NAALADL2: variants seen among roughly 807,000 people sequenced by gnomAD.
The protein encoded by NAALADL2 is N-acetylated alpha-linked acidic dipeptidase like 2.
A neutral mutation model predicts 87.2 loss-of-function variants in NAALADL2; 76 were observed. The observed-to-expected ratio is 0.87, with a 90% CI of 0.72 to 1.05. The LOEUF is 1.05. Among genes scored for constraint, NAALADL2 ranks in the 50% least tolerant of loss-of-function variants. NAALADL2 has a pLI of 0.00. For missense variants in NAALADL2, 1,089 were observed against 945.8 expected (o/e 1.15, Z -1.99); for synonymous variants, 354 against 331.0 (o/e 1.07, Z -0.75).
intron 11 of NAALADL2, among the ~76,000 whole-genome samples, chr3:175,721,565 C>G (rs753285395): frequency 6.6e-6 from 1 of 151,956 alleles, no homozygotes; most frequent in Non-Finnish European, 1.5e-5. Context: ...AGAGGATGAG[C>G]TCATAAGGTT....
intron 9 of NAALADL2, among the ~76,000 whole-genome samples, chr3:175,509,561 G>A (rs1311921014): frequency 1.3e-5 from 2 of 152,154 alleles, no homozygotes; most frequent in Non-Finnish European, 2.9e-5. Context: ...TGGTCACATT[G>A]TATTAATTAT....
chr3:175,453,403 A>G (rs1721861881), intron 6 of NAALADL2, among the ~76,000 whole-genome samples: 1 of 152,070 alleles, frequency 6.6e-6, no homozygotes. Flanking sequence ...GTATTATCCA[A>G]ATATGTCTTG....
At chr3:175,779,080 G>A (rs1292957215) in intron 13 of NAALADL2, among the ~76,000 whole-genome samples, 3 of 152,166 alleles carry the variant, frequency 2.0e-5, no homozygotes, top group Non-Finnish European at 4.4e-5. Flanking sequence ...AGGGCAGTTA[G>A]TTGTGGAAAA....
At chr3:175,067,877 G>A (rs1274328747) in intron 1 of NAALADL2, among the ~76,000 whole-genome samples, 2 of 151,952 alleles carry the variant, frequency 1.3e-5, no homozygotes, top group South Asian at 2.1e-4. Flanking sequence ...AAGAAAATGT[G>A]GTATATATAC....
At chr3:175,724,543 T>A (rs762486932) in intron 11 of NAALADL2, among the ~76,000 whole-genome samples, 4 of 152,162 alleles carry the variant, frequency 2.6e-5, no homozygotes, top group Non-Finnish European at 5.9e-5. Context: ...TAGGATGCAA[T>A]CTGCAATAAC....
intron 5 of NAALADL2, among the ~76,000 whole-genome samples, chr3:175,332,370 C>G (rs946875197): frequency 6.6e-6 from 1 of 152,162 alleles, no homozygotes; most frequent in Admixed American, 6.5e-5. Flanking sequence ...GGTATAAAAA[C>G]AGAAACACTA....
At chr3:174,863,335 T>G (rs771799656) in intron 1 of NAALADL2, among the ~76,000 whole-genome samples, 1 of 152,122 alleles carries the variant, frequency 6.6e-6, no homozygotes, top group Non-Finnish European at 1.5e-5. Context: ...TCTTTTAGTT[T>G]CTATATTTAT....
intron 1 of NAALADL2, chr3:175,081,104 A>G (rs184152277): frequency 2.0e-5 from 3 of 152,338 alleles, no homozygotes; most frequent in Admixed American, 2.0e-4. Context: ...AGCAAGACCA[A>G]TAACTAGTCA....
At chr3:174,851,078 G>A (rs911946090) in intron 3 of NAALADL2, among the ~76,000 whole-genome samples, 19 of 151,858 alleles carry the variant, frequency 1.3e-4, no homozygotes, top group Non-Finnish European at 7.4e-5. Context: ...AAATGGACAC[G>A]CAACATACCA....
At chr3:175,253,713 G>A (rs113890910) in intron 3 of NAALADL2, among the ~76,000 whole-genome samples, 1,696 of 152,272 alleles carry the variant, frequency 0.011, 34 homozygotes, top group African/African-American at 0.04. Flanking sequence ...TTTGTGGTTC[G>A]TGAGAGCAGG....
At position 174,759,048 on chromosome 3, in the gene NAALADL2, C is replaced by CT. The variant is rs1422066507; in HGVS notation, c.-9+21310dup. Among the ~76,000 whole-genome samples, 13 of 152,062 alleles carry CT rather than the reference C, an allele frequency of 8.5e-5. No individual in the cohort carries two copies. In the East Asian group the frequency reaches 1.2e-3, roughly 14 times the overall value. ...AGATTGAAGTAGTTTCATCTACATA[C>CT]TTTTTTTTCTTTTGTTGGTAGAAAG... On this transcript the variant is annotated intron_variant, in intron 3 of 3. Transcript: ENST00000434257.
chr3:175,141,439 C>T (rs1729977741), intron 2 of NAALADL2, among the ~76,000 whole-genome samples: 1 of 151,954 alleles, frequency 6.6e-6, no homozygotes, highest in African/African-American at 2.4e-5. Context: ...TCTACATGGT[C>T]ATAGAGAAGG....
chr3:175,401,882 T>C (rs755157124), intron 5 of NAALADL2, among the ~76,000 whole-genome samples: 9 of 152,120 alleles, frequency 5.9e-5, no homozygotes, highest in African/African-American at 9.7e-5. Context: ...AAAAGTCCAG[T>C]AGACGATCAT....
Position 175,803,309 on chromosome 3 carries a change from T to G in NAALADL2, c.*106T>G. The G allele has an allele frequency of 1.5e-6, 1 of 677,724 alleles. No homozygotes were observed. 42.0% of individuals were successfully genotyped at this position (677,724 alleles called of 1,614,324 possible). ...AGGCTTATTTTCCCCAATGGCTTTT[T>G]GACAAGTATAAAGCTATTATTACAT... On this transcript the variant is annotated 3_prime_UTR_variant, in exon 14 of 14. Coordinates refer to ENST00000454872, the MANE Select transcript of NAALADL2 (RefSeq NM_207015.3).
At chr3:174,712,950 C>G (rs1468677394) in intron 2 of NAALADL2, among the ~76,000 whole-genome samples, 1 of 152,000 alleles carries the variant, frequency 6.6e-6, no homozygotes, top group Non-Finnish European at 1.5e-5. Flanking sequence ...CTATGCCTCC[C>G]CCCTCCCCCA....
chr3:175,639,114 C>T (rs1728930195), intron 11 of NAALADL2, among the ~76,000 whole-genome samples: 1 of 152,002 alleles, frequency 6.6e-6, no homozygotes, highest in African/African-American at 2.4e-5. Flanking sequence ...GTGCTTTGTC[C>T]CCTTTTCAGT....
chr3:175,068,313 T>G (rs73883328), intron 1 of NAALADL2, among the ~76,000 whole-genome samples: 17,639 of 152,072 alleles, frequency 0.12, 2,480 homozygotes, highest in African/African-American at 0.34. Flanking sequence ...CAGGAATGGA[T>G]GATTTTTAAA....
Position 175,000,994 on chromosome 3 carries a change from C to T in NAALADL2, c.44-95796C>T, listed in dbSNP as rs75799013. 6.2e-3 allele frequency among the ~76,000 whole-genome samples: 950 copies of T among 152,290 alleles called. 3 individuals are homozygous for T. Among genetic ancestry groups the T allele is most frequent in the African/African-American group, 0.021 (862 of 41,566 alleles). ...AACACTGCGGCATGCGCAGAAAACT[C>T]CAGTCCCATTTATGGGATCCATAGC... On this transcript the variant is annotated intron_variant, in intron 1 of 13. Coordinates refer to ENST00000454872, the MANE Select transcript of NAALADL2 (RefSeq NM_207015.3).
At chr3:174,752,096 GC>G (rs1479415460) in intron 3 of NAALADL2, among the ~76,000 whole-genome samples, 3 of 151,956 alleles carry the variant, frequency 2.0e-5, no homozygotes, top group African/African-American at 7.3e-5. Context: ...TCCTGCCTCA[GC>G]CTCTCGAGTA....
Sources: allele counts gnomAD v4.1 joint callset (sites outside exome capture counted in the v4.1 genomes callset), GRCh38; gene constraint gnomAD v4.1.1; transcripts MANE v1.5; gene names NCBI Gene and HGNC (gene_info 2026-07-23, HGNC 2026-07-21).